Variants in CELF1 observed in about 807,000 individuals in gnomAD.
CELF1 encodes 50 kDa nuclear polyadenylated RNA-binding protein.
Under a neutral mutation model 61.8 loss-of-function variants are expected in CELF1, and 10 were observed. That is an observed-to-expected ratio of 0.16 (90% CI 0.10 to 0.27). The LOEUF (loss-of-function observed/expected upper bound fraction) is 0.27. Among genes scored for constraint, CELF1 ranks in the 10% least tolerant of loss-of-function variants. CELF1 has a pLI of 1.00. For missense variants in CELF1, 380 were observed against 639.1 expected (o/e 0.59, Z 4.37); for synonymous variants, 236 against 225.1 (o/e 1.05, Z -0.43).
chr11:47,488,201 G>C (rs1473412034), intron 4 of CELF1, among the ~76,000 whole-genome samples: 1 of 152,228 alleles, frequency 6.6e-6, no homozygotes, highest in East Asian at 1.9e-4. Context: ...GAACATGTCT[G>C]TGTGTATATA....
chr11:47,537,245 ATTTTTTT>A (rs544458768), intron 1 of CELF1, among the ~76,000 whole-genome samples: 2 of 134,104 alleles, frequency 1.5e-5, no homozygotes, highest in African/African-American at 5.6e-5. Flanking sequence ...TACCATACAA[ATTTTTTT>A]TTTTTTTTTT....
In CELF1 at chr11:47,477,197, G is replaced by A. The variant is rs1012317944; in HGVS notation, c.973+100C>T. On this transcript the variant is annotated intron_variant, in intron 11 of 14. Transcript: ENST00000687097. ...TGTTGCTCATAATCTGACCTCTCTG[G>A]AAACAGGTGTTAACTATTTTCCCTC... is the stretch of plus-strand genomic sequence containing the variant. 5.2e-6 allele frequency: 7 copies of A among 1,341,934 alleles called. No individual in the cohort carries two copies. The African/African-American group carries it at 8.8e-5, about 17-fold the overall frequency. The allele number at this position is 1,341,934 out of a possible 1,614,324, so 83.1% of individuals were successfully genotyped here.
chr11:47,505,164 T>A (rs2094379393), intron 1 of CELF1, among the ~76,000 whole-genome samples: 1 of 151,186 alleles, frequency 6.6e-6, no homozygotes, highest in Non-Finnish European at 1.5e-5. Context: ...CTCAGAGCCT[T>A]CCTTGGAGTA....
In CELF1 at chr11:47,543,307, G is replaced by T. The variant is rs567055396; in HGVS notation, c.-154+9685C>A. Among the ~76,000 whole-genome samples the T allele has an allele frequency of 6.6e-5, 10 of 152,172 alleles. No individual in the cohort carries two copies. In the East Asian group the frequency reaches 1.9e-3, roughly 29 times the overall value. ...TCCCGGCTACTTGGGAGGCTGAGGT[G>T]GGGAAGAATCACTTGAGGCCTGGGA... On this transcript the variant is annotated intron_variant, in intron 1 of 14. Coordinates refer to ENST00000687097, the MANE Select transcript of CELF1 (RefSeq NM_001376376.1).
intron 1 of CELF1, among the ~76,000 whole-genome samples, chr11:47,501,624 G>A (rs1287016850): frequency 6.6e-6 from 1 of 152,058 alleles, no homozygotes; most frequent in Non-Finnish European, 1.5e-5. Flanking sequence ...AGGCCAGCCT[G>A]GCTAAGATAG....
At chr11:47,545,196 G>A (rs113397202) in intron 1 of CELF1, among the ~76,000 whole-genome samples, 2 of 152,014 alleles carry the variant, frequency 1.3e-5, no homozygotes, top group Non-Finnish European at 2.9e-5. Flanking sequence ...TTGGGAAGCC[G>A]AGGTGGGCGG....
chr11:47,504,998 C>A (rs2094362212), intron 1 of CELF1, among the ~76,000 whole-genome samples: 3 of 151,152 alleles, frequency 2.0e-5, no homozygotes, highest in Non-Finnish European at 4.4e-5. Flanking sequence ...GTTGCCTTGC[C>A]TGTAAAATTA....
chr11:47,500,506 C>T (rs908679500), intron 2 of CELF1, among the ~76,000 whole-genome samples: 3 of 152,108 alleles, frequency 2.0e-5, no homozygotes, highest in African/African-American at 7.2e-5. Flanking sequence ...AGAACAAAAG[C>T]CACTTTAGTG....
intron 4 of CELF1, among the ~76,000 whole-genome samples, chr11:47,488,167 G>GAA (rs1467738095): frequency 1.3e-5 from 2 of 152,138 alleles, no homozygotes; most frequent in Non-Finnish European, 2.9e-5. Context: ...AAAATTATTT[G>GAA]AAAACTGGTA....
At chr11:47,537,494 G>A (rs778706822) in intron 1 of CELF1, among the ~76,000 whole-genome samples, 59 of 151,840 alleles carry the variant, frequency 3.9e-4, no homozygotes, top group Non-Finnish European at 7.2e-4. Context: ...TGATCCACCC[G>A]ACTCAGTCTC....
At chr11:47,486,435 A>T (rs1467518660) in intron 6 of CELF1, among the ~76,000 whole-genome samples, 2 of 151,426 alleles carry the variant, frequency 1.3e-5, no homozygotes, top group African/African-American at 4.9e-5. Flanking sequence ...TTTGAGACAG[A>T]GTCTCACTCT....
chr11:47,497,809 G>A (rs1565824878), intron 3 of CELF1, among the ~76,000 whole-genome samples: 1 of 152,090 alleles, frequency 6.6e-6, no homozygotes, highest in Non-Finnish European at 1.5e-5. Context: ...AGTGGTCCAT[G>A]GTCCAGATTT....
At chr11:47,504,902 C>CAAAAAAA (rs374401044) in intron 1 of CELF1, among the ~76,000 whole-genome samples, 2 of 107,920 alleles carry the variant, frequency 1.9e-5, no homozygotes, top group Admixed American at 1.0e-4. Flanking sequence ...ACTCTGTCAC[C>CAAAAAAA]AAAAAAAAAA....
At position 47,469,908 on chromosome 11, in the gene CELF1, G is replaced by A. The variant is rs1428522665; in HGVS notation, c.*2322C>T. 6.6e-6 allele frequency: 1 copy of A among 152,402 alleles called. No homozygotes were observed. Among genetic ancestry groups the A allele is most frequent in the Non-Finnish European group, 1.5e-5 (1 of 68,170 alleles). 9.4% of individuals were successfully genotyped at this position (152,402 alleles called of 1,614,324 possible). ...ATGGGGGAAGGCGGAGAGAAGAAGGGGATGTGGGAAGGGAGTGGCGTTCTG... is the reference window on the plus strand; with the variant it reads ...ATGGGGGAAGGCGGAGAGAAGAAGGAGATGTGGGAAGGGAGTGGCGTTCTG... On this transcript the variant is annotated 3_prime_UTR_variant, in exon 15 of 15. Transcript: ENST00000687097.
intron 6 of CELF1, among the ~76,000 whole-genome samples, 156 bp from the exon 7 acceptor site, chr11:47,484,679 CT>C (rs1250029111): frequency 1.3e-5 from 2 of 152,134 alleles, no homozygotes; most frequent in South Asian, 2.1e-4. Context: ...TTTCACATCT[CT>C]TTTTTTCTTG....
chr11:47,529,077 CTT>C (rs1162581463), intron 1 of CELF1, among the ~76,000 whole-genome samples: 18 of 133,608 alleles, frequency 1.3e-4, no homozygotes, highest in Admixed American at 2.3e-4. Flanking sequence ...GTTTATTTTA[CTT>C]TTTTTTTTTT....
At chr11:47,487,135 A>T (rs1414139560) in intron 5 of CELF1, 24 bp downstream of exon 5, 2 of 1,567,328 alleles carry the variant, frequency 1.3e-6, no homozygotes, top group East Asian at 4.5e-5. Flanking sequence ...CCACATTTCC[A>T]TTTACTAGTG....
intron 1 of CELF1, among the ~76,000 whole-genome samples, chr11:47,535,006 C>G (rs75203562): frequency 2.6e-5 from 4 of 152,070 alleles, no homozygotes; most frequent in African/African-American, 9.6e-5. Context: ...ATTTTTTTCC[C>G]TAAGTTGGAA....
intron 3 of CELF1, chr11:47,496,014 A>AC (rs2093022049): frequency 1.0e-6 from 1 of 985,128 alleles, no homozygotes; most frequent in Non-Finnish European, 1.2e-6. Flanking sequence ...CCACCCTTAT[A>AC]CAAGGTCCCT....
Sources: allele counts gnomAD v4.1 joint callset (sites outside exome capture counted in the v4.1 genomes callset), GRCh38; gene constraint gnomAD v4.1.1; transcripts MANE v1.5; gene names NCBI Gene and HGNC (gene_info 2026-07-23, HGNC 2026-07-21).